Variants in LRRC4C observed in about 807,000 individuals in gnomAD.
LRRC4C encodes leucine rich repeat containing 4C, also known as leucine-rich repeat-containing protein 4C.
Under a neutral mutation model 33.6 loss-of-function variants are expected in LRRC4C, and 5 were observed. That is an observed-to-expected ratio of 0.15 (90% CI 0.08 to 0.31). The LOEUF (loss-of-function observed/expected upper bound fraction) is 0.31. Ranked by LOEUF, LRRC4C falls within the 10% of genes least tolerant of loss-of-function variation. The pLI, the probability that LRRC4C is intolerant of heterozygous loss-of-function variation, is 1.00. For missense variants in LRRC4C, 560 were observed against 796.7 expected (o/e 0.70, Z 3.58); for synonymous variants, 329 against 302.0 (o/e 1.09, Z -0.93).
chr11:40,914,976 T>C (rs1956880525), intron 2 of LRRC4C, among the ~76,000 whole-genome samples: 1 of 152,088 alleles, frequency 6.6e-6, no homozygotes, highest in Non-Finnish European at 1.5e-5. Flanking sequence ...TACCTAGGAA[T>C]CCAACTTACA....
intron 1 of LRRC4C, among the ~76,000 whole-genome samples, chr11:41,139,319 T>A (rs1260489903): frequency 6.6e-6 from 1 of 152,202 alleles, no homozygotes. Context: ...ATGCCTTTCT[T>A]CATATGATAT....
rs1032354124 is a variant in LRRC4C, at chr11:41,303,421, T to A, written c.-496+156010A>T. Among the ~76,000 whole-genome samples, 45 of 130,756 alleles carry A rather than the reference T, an allele frequency of 3.4e-4. 1 individual carries two copies. In the East Asian group the frequency reaches 0.011, roughly 32 times the overall value. The allele number at this position is 130,756 out of a possible 152,430, so 85.8% of individuals were successfully genotyped here. A position where few individuals can be genotyped will look rare whatever the true frequency, so the allele number is the denominator to read the frequency against. On this transcript the variant is annotated intron_variant, in intron 1 of 6. Transcript: ENST00000528697. Reference sequence around the variant, plus strand: ...GTGCCCAGGCTGGAGTGCAGGGGCGTGATCTCGGCTCACTACAACCTACAC... The same window carrying A: ...GTGCCCAGGCTGGAGTGCAGGGGCGAGATCTCGGCTCACTACAACCTACAC...
At chr11:41,231,510 G>T (rs561044677) in intron 1 of LRRC4C, among the ~76,000 whole-genome samples, 35 of 148,948 alleles carry the variant, frequency 2.3e-4, no homozygotes, top group South Asian at 1.1e-3. Context: ...GCAAACTATC[G>T]CAAGGACAAA....
intron 1 of LRRC4C, among the ~76,000 whole-genome samples, chr11:41,063,603 G>A (rs1937964012): frequency 6.6e-6 from 1 of 152,266 alleles, no homozygotes; most frequent in African/African-American, 2.4e-5. Context: ...GCAGCTAGTG[G>A]AAAGGCCCTG....
intron 3 of LRRC4C, among the ~76,000 whole-genome samples, chr11:40,450,399 G>T (rs1951830714): frequency 1.3e-5 from 2 of 151,734 alleles, no homozygotes; most frequent in African/African-American, 4.8e-5. Flanking sequence ...TGATATGTGT[G>T]GATTTCTATA....
At chr11:40,247,400 C>A (rs1866427778) in intron 4 of LRRC4C, among the ~76,000 whole-genome samples, 1 of 152,104 alleles carries the variant, frequency 6.6e-6, no homozygotes, top group Admixed American at 6.6e-5. Context: ...TTAAACAAAC[C>A]CCCATGTTTT....
intron 1 of LRRC4C, among the ~76,000 whole-genome samples, chr11:41,424,353 T>C (rs1420332355): frequency 6.6e-6 from 1 of 152,096 alleles, no homozygotes; most frequent in African/African-American, 2.4e-5. Flanking sequence ...CTTCAGATTT[T>C]TCATTTATTT....
intron 1 of LRRC4C, among the ~76,000 whole-genome samples, chr11:41,017,549 G>A (rs972620898): frequency 4.6e-5 from 7 of 151,898 alleles, no homozygotes; most frequent in Non-Finnish European, 1.0e-4. Context: ...CAATTACCAG[G>A]CATTGATCTA....
At chr11:40,294,491 C>CT (rs1210239616) in intron 4 of LRRC4C, among the ~76,000 whole-genome samples, 1 of 152,074 alleles carries the variant, frequency 6.6e-6, no homozygotes, top group East Asian at 1.9e-4. Flanking sequence ...GGTTAAGAGC[C>CT]TCTCCCAGTC....
At chr11:40,168,570 A>C (rs1429570732) in intron 5 of LRRC4C, among the ~76,000 whole-genome samples, 1 of 152,218 alleles carries the variant, frequency 6.6e-6, no homozygotes, top group Non-Finnish European at 1.5e-5. Context: ...AGCACAGAGC[A>C]CAAAGGCTCC....
At chr11:40,818,838 C>G (rs968834317) in intron 2 of LRRC4C, among the ~76,000 whole-genome samples, 2 of 151,962 alleles carry the variant, frequency 1.3e-5, no homozygotes, top group African/African-American at 4.8e-5. Context: ...CAATTCATAC[C>G]TAGCTAAATA....
intron 1 of LRRC4C, among the ~76,000 whole-genome samples, chr11:41,086,060 G>T (rs2135516093): frequency 6.6e-6 from 1 of 151,352 alleles, no homozygotes; most frequent in Admixed American, 6.6e-5. Flanking sequence ...TCCAAATTAA[G>T]TGTACCCAAT....
chr11:40,247,022 A>G (rs1484148903), intron 4 of LRRC4C, among the ~76,000 whole-genome samples: 1 of 151,996 alleles, frequency 6.6e-6, no homozygotes, highest in Non-Finnish European at 1.5e-5. Context: ...CCTTTCAATC[A>G]CTGAAGAGAC....
intron 1 of LRRC4C, among the ~76,000 whole-genome samples, chr11:41,178,715 G>T (rs549591239): frequency 1.4e-3 from 210 of 152,186 alleles, no homozygotes; most frequent in Middle Eastern, 0.014. Context: ...TTGTTTGTTT[G>T]TTTTTTGAGA....
intron 1 of LRRC4C, among the ~76,000 whole-genome samples, chr11:41,046,685 C>T (rs1351823453): frequency 3.3e-5 from 5 of 152,216 alleles, no homozygotes; most frequent in South Asian, 2.1e-4. Context: ...AAACATCCAG[C>T]GTTTGCACTT....
intron 2 of LRRC4C, among the ~76,000 whole-genome samples, chr11:40,870,283 C>T (rs1465206958): frequency 6.6e-6 from 1 of 152,112 alleles, no homozygotes; most frequent in Non-Finnish European, 1.5e-5. Context: ...ATCAATGTTT[C>T]ACTGTGAGTG....
chr11:40,451,467 C>T (rs2138080336), intron 3 of LRRC4C, among the ~76,000 whole-genome samples: 1 of 135,396 alleles, frequency 7.4e-6, no homozygotes, highest in East Asian at 2.5e-4. Context: ...CTCTCTGCAA[C>T]CTCCGCCTCC....
intron 1 of LRRC4C, among the ~76,000 whole-genome samples, chr11:40,945,298 G>C (rs1352937633): frequency 1.3e-5 from 2 of 151,796 alleles, no homozygotes; most frequent in Non-Finnish European, 1.5e-5. Context: ...GGGATTACAG[G>C]CTTGAGCCAC....
chr11:40,841,715 A>G (rs1455882233), intron 2 of LRRC4C, among the ~76,000 whole-genome samples: 4 of 152,212 alleles, frequency 2.6e-5, no homozygotes, highest in Non-Finnish European at 1.5e-5. Context: ...GCCCTAATAG[A>G]ATAATACAGC....
Sources: gnomAD v4.1 joint callset for allele counts (sites outside exome capture counted in the v4.1 genomes callset) on GRCh38, gnomAD v4.1.1 for gene constraint, MANE v1.5 for transcripts, NCBI Gene and HGNC (gene_info 2026-07-23, HGNC 2026-07-21) for gene names.